DPY19L1: variants seen among roughly 807,000 people sequenced by gnomAD.
DPY19L1 encodes protein C-mannosyl-transferase DPY19L1.
Under a neutral mutation model 96.9 loss-of-function variants are expected in DPY19L1, and 35 were observed. The observed-to-expected ratio is 0.36, with a 90% CI of 0.28 to 0.48. The LOEUF is 0.48. DPY19L1 is among the 20% of genes least tolerant of loss of function. The probability of loss-of-function intolerance (pLI) is 0.99; values close to 1 mark genes in which losing one functional copy is unlikely to be tolerated. For synonymous variants in DPY19L1, 205 were observed against 252.6 expected (o/e 0.81, Z 1.79); for missense variants, 521 against 777.9 (o/e 0.67, Z 3.93).
intron 6 of DPY19L1, among the ~76,000 whole-genome samples, chr7:34,998,376 T>C (rs1418566010): frequency 6.6e-6 from 1 of 151,606 alleles, no homozygotes; most frequent in African/African-American, 2.4e-5. Flanking sequence ...AAATGTAGAG[T>C]TCGTGAAAAA....
intron 7 of DPY19L1, among the ~76,000 whole-genome samples, chr7:34,977,564 T>C (rs1260291439): frequency 1.3e-5 from 2 of 152,226 alleles, no homozygotes; most frequent in East Asian, 1.9e-4. Flanking sequence ...GTGCTTTCTA[T>C]TGTTTCTCCA....
At chr7:34,976,421 A>G (rs76822274) in intron 7 of DPY19L1, among the ~76,000 whole-genome samples, 4 of 152,316 alleles carry the variant, frequency 2.6e-5, no homozygotes, top group African/African-American at 9.6e-5. Flanking sequence ...AATGAGCAAA[A>G]GGAGTGGTTT....
intron 1 of DPY19L1, among the ~76,000 whole-genome samples, chr7:35,023,198 C>A (rs542746738): frequency 3.3e-5 from 5 of 152,306 alleles, no homozygotes; most frequent in African/African-American, 1.2e-4. Flanking sequence ...CGGGCCCCCA[C>A]CTGCTCTTAC....
chr7:35,022,829 G>A (rs1227054025), intron 1 of DPY19L1, among the ~76,000 whole-genome samples: 3 of 152,098 alleles, frequency 2.0e-5, no homozygotes, highest in African/African-American at 7.2e-5. Flanking sequence ...CATTTACTTT[G>A]TGCAGATTAG....
At chr7:34,968,341 T>C (rs948567046) in intron 9 of DPY19L1, among the ~76,000 whole-genome samples, 1 of 152,216 alleles carries the variant, frequency 6.6e-6, no homozygotes, top group Non-Finnish European at 1.5e-5. Flanking sequence ...TAGGTTCTTT[T>C]ATTATCTCTA....
At chr7:34,952,386 G>A (rs1784286298) in intron 13 of DPY19L1, among the ~76,000 whole-genome samples, 1 of 152,078 alleles carries the variant, frequency 6.6e-6, no homozygotes, top group Non-Finnish European at 1.5e-5. Context: ...TAATGAAATT[G>A]AATTTGTAGT....
At chr7:35,030,730 A>G (rs329262) in intron 1 of DPY19L1, among the ~76,000 whole-genome samples, 1 of 151,862 alleles carries the variant, frequency 6.6e-6, no homozygotes, top group East Asian at 1.9e-4. Flanking sequence ...CACAAAATCA[A>G]GCTACAATAG....
intron 13 of DPY19L1, among the ~76,000 whole-genome samples, chr7:34,953,731 TAC>T (rs1562804471): frequency 2.0e-5 from 3 of 152,094 alleles, no homozygotes; most frequent in African/African-American, 4.8e-5. Context: ...AATGAATAAA[TAC>T]ATTTTCAACT....
intron 14 of DPY19L1, among the ~76,000 whole-genome samples, chr7:34,949,467 C>A (rs538204898): frequency 6.6e-6 from 1 of 152,290 alleles, no homozygotes; most frequent in African/African-American, 2.4e-5. Flanking sequence ...TAAATAACCA[C>A]AAAATGAGTG....
Position 35,025,560 on chromosome 7 carries a change from G to A in DPY19L1, c.299-6964C>T, listed in dbSNP as rs1288833267. On this transcript the variant is annotated intron_variant, in intron 1 of 21. Transcript: ENST00000638088. ...AAGACATGGATATAACTTAGGTGTG[G>A]ATTTATGGCAAACAGCCAGAAAAGA... Among the ~76,000 whole-genome samples, 6 of 152,110 alleles carry A rather than the reference G, an allele frequency of 3.9e-5. No homozygotes were observed. The South Asian group carries it at 1.0e-3, about 26-fold the overall frequency.
chr7:34,964,527 T>G (rs1446245975), intron 10 of DPY19L1, among the ~76,000 whole-genome samples: 1 of 152,170 alleles, frequency 6.6e-6, no homozygotes, highest in East Asian at 1.9e-4. Flanking sequence ...TCCAGCGACA[T>G]GCAAAAATTG....
chr7:34,971,997 G>C (rs1784733812), intron 8 of DPY19L1, among the ~76,000 whole-genome samples: 1 of 152,144 alleles, frequency 6.6e-6, no homozygotes, highest in Admixed American at 6.5e-5. Context: ...GTAACCACAG[G>C]GTACTTAAAA....
At chr7:34,998,210 C>T (rs183015937) in intron 6 of DPY19L1, among the ~76,000 whole-genome samples, 1 of 152,304 alleles carries the variant, frequency 6.6e-6, no homozygotes, top group African/African-American at 2.4e-5. Context: ...GCATTTTCTG[C>T]TGACTACTTA....
chr7:35,017,471 C>T (rs537146598), intron 3 of DPY19L1, among the ~76,000 whole-genome samples: 142 of 127,806 alleles, frequency 1.1e-3, no homozygotes, highest in South Asian at 2.0e-3. Flanking sequence ...GTCCGCAGTC[C>T]GGCCTGGGCG....
chr7:35,015,721 G>GC (rs1785830308), intron 3 of DPY19L1, among the ~76,000 whole-genome samples: 1 of 152,214 alleles, frequency 6.6e-6, no homozygotes, highest in African/African-American at 2.4e-5. Context: ...TGCCTGTGGA[G>GC]CAGCCACCCT....
At chr7:34,933,364 A>G (rs1456339087) in intron 21 of DPY19L1, among the ~76,000 whole-genome samples, 1 of 152,232 alleles carries the variant, frequency 6.6e-6, no homozygotes, top group East Asian at 1.9e-4. Context: ...GTTCCCACTT[A>G]TAAGTGAGAA....
chr7:35,014,503 A>G (rs907859916), intron 3 of DPY19L1, among the ~76,000 whole-genome samples: 1 of 152,176 alleles, frequency 6.6e-6, no homozygotes, highest in African/African-American at 2.4e-5. Context: ...TTGCATCTTC[A>G]GTTTTCCCTG....
chr7:35,015,606 T>C (rs549482190), intron 3 of DPY19L1, among the ~76,000 whole-genome samples: 16 of 152,288 alleles, frequency 1.1e-4, no homozygotes, highest in Non-Finnish European at 2.4e-4. Flanking sequence ...TTCCAGGAAT[T>C]CCCCTCCCTG....
intron 1 of DPY19L1, among the ~76,000 whole-genome samples, chr7:35,029,492 T>C (rs948178643): frequency 3.3e-5 from 5 of 152,200 alleles, no homozygotes; most frequent in African/African-American, 1.2e-4. Context: ...GTTCATTAAC[T>C]GATAACCCAT....
Sources: allele counts gnomAD v4.1 joint callset (sites outside exome capture counted in the v4.1 genomes callset), GRCh38; gene constraint gnomAD v4.1.1; transcripts MANE v1.5; gene names NCBI Gene and HGNC (gene_info 2026-07-23, HGNC 2026-07-21).